The following AKT1 variants were observed in gnomAD, a reference collection of about 807,000 sequenced individuals.
The protein encoded by AKT1 is AKT serine/threonine kinase 1.
Under a neutral mutation model 63.1 loss-of-function variants are expected in AKT1, and 21 were observed. The observed-to-expected ratio is 0.33, with a 90% CI of 0.24 to 0.48. The LOEUF is 0.48. Among genes scored for constraint, AKT1 ranks in the 20% least tolerant of loss-of-function variants. AKT1 has a pLI of 0.99. For missense variants in AKT1, 382 were observed against 666.0 expected, an observed-to-expected ratio of 0.57 and a Z score of 4.69; for synonymous variants, 257 against 253.1, an observed-to-expected ratio of 1.02 and a Z score of -0.15.
intron 3 of AKT1, among the ~76,000 whole-genome samples, chr14:104,781,459 C>T (rs1282646198): frequency 2.0e-5 from 3 of 152,134 alleles, no homozygotes; most frequent in Admixed American, 6.5e-5. Flanking sequence ...AGCAGGGCAG[C>T]AGCCCCAGGG....
At position 104,774,955 on chromosome 14, in the gene AKT1, T is replaced by C. The variant is rs941063820; in HGVS notation, c.616A>G (p.Arg206Gly). The change falls in exon 8 of 15, where the codon AGG (arginine) becomes GGG (glycine). Residue 206 changes from arginine (R) to glycine (G), a missense_variant. Arg to Gly is a moderately radical substitution (Grantham distance 125). Around this residue, in one of 3 missense-constraint regions of AKT1, gnomAD observed 226 missense variants for 366.4 expected, o/e 0.62. Transcript: ENST00000649815. ...LTENRVLQNS[R>G]HPFLTALKYS... ...CCACTCACTGTGAGGAAGGGGTGCCTGGAGTTCTGCAGGACGCGGTTCTCG... is the reference window on the plus strand; with the variant it reads ...CCACTCACTGTGAGGAAGGGGTGCCCGGAGTTCTGCAGGACGCGGTTCTCG... 1 of 1,612,020 alleles carries C rather than the reference T, an allele frequency of 6.2e-7. No homozygotes were observed. Among genetic ancestry groups the C allele is most frequent in the Non-Finnish European group, 8.5e-7 (1 of 1,179,624 alleles).
At chr14:104,794,401 G>C (rs924624618) in intron 1 of AKT1, 2 of 152,278 alleles carry the variant, frequency 1.3e-5, no homozygotes, top group African/African-American at 4.8e-5. Flanking sequence ...TGCTCACACA[G>C]GGTGGTGTAC....
At chr14:104,772,324 G>A (rs779614585) in intron 13 of AKT1, 41 bp downstream of exon 13, 2 of 1,600,820 alleles carry the variant, frequency 1.2e-6, no homozygotes, top group East Asian at 4.5e-5. Flanking sequence ...TGGATATGTG[G>A]GGAGCATGCG....
chr14:104,774,614 C>T (rs748520455), intron 8 of AKT1: 9 of 409,934 alleles, frequency 2.2e-5, no homozygotes, highest in Non-Finnish European at 4.0e-5. Context: ...CAGGACAGAG[C>T]CCGGGCCTCA....
chr14:104,774,047 G>T, intron 8 of AKT1, 67 bp from the exon 9 acceptor site: 1 of 1,459,308 alleles, frequency 6.9e-7, no homozygotes. Flanking sequence ...CACGCTGCCC[G>T]ACACCACGCT....
rs74896722 is a variant in AKT1 at position 104,787,818 on chromosome 14, G to A, written c.46+4780C>T. ...AGAGCTGTCCACTCAGGAGCCACCA[G>A]GCGTGGGGGCTAAGGTCCAGGGCTG... On this transcript the variant is annotated intron_variant, in intron 3 of 14. Transcript: ENST00000649815. Among the ~76,000 whole-genome samples the A allele has an allele frequency of 3.6e-3, 541 of 152,362 alleles. 7 individuals carry two copies. The highest frequency in any genetic ancestry group is 0.032 in the South Asian group (157 of 4,832).
chr14:104,774,908 C>T (rs1359510898), intron 8 of AKT1, 30 bp downstream of exon 8: 3 of 1,599,164 alleles, frequency 1.9e-6, no homozygotes, highest in Admixed American at 1.7e-5. Flanking sequence ...CTGGCCCCAG[C>T]CCTTCAGCCC....
intron 3 of AKT1, among the ~76,000 whole-genome samples, chr14:104,784,766 G>A (rs1421917880): frequency 6.6e-6 from 1 of 151,978 alleles, no homozygotes; most frequent in Admixed American, 6.5e-5. Context: ...CCCCCAAAGC[G>A]GCACCCACTT....
Position 104,774,656 on chromosome 14 carries a change from T to C in AKT1, c.633+282A>G. 1.2e-5 allele frequency: 6 copies of C among 481,158 alleles called. No individual in the cohort carries two copies. In the South Asian group the frequency reaches 1.7e-4, roughly 14 times the overall value. The allele number at this position is 481,158 out of a possible 1,614,324, so 29.8% of individuals were successfully genotyped here. ...GCCTGGCAGGCAGGGCTGCAGGGCA[T>C]GGGGAGCTGGGGCCTCCTGGAGCCT... On this transcript the variant is annotated intron_variant, in intron 8 of 14. Transcript: ENST00000649815.
chr14:104,785,625 G>A (rs999672402), intron 3 of AKT1, among the ~76,000 whole-genome samples: 10 of 152,198 alleles, frequency 6.6e-5, no homozygotes, highest in Admixed American at 4.6e-4. Flanking sequence ...CTGGGAAAAC[G>A]GAGACTTAGG....
chr14:104,780,995 G>A (rs531850086), intron 3 of AKT1, among the ~76,000 whole-genome samples: 114 of 152,334 alleles, frequency 7.5e-4, no homozygotes, highest in African/African-American at 2.7e-3. Context: ...GCCCTGCCGC[G>A]TCCCACCCGT....
rs1241369809 is a variant in AKT1 at position 104,794,473 on chromosome 14, C to T, written c.-258+1011G>A. 2.0e-5 allele frequency: 3 copies of T among 152,228 alleles called. No homozygotes were observed. The East Asian group carries it at 5.8e-4, about 29-fold the overall frequency. 9.4% of individuals were successfully genotyped at this position (152,228 alleles called of 1,614,324 possible). A position where few individuals can be genotyped will look rare whatever the true frequency, so the allele number is the denominator to read the frequency against. On this transcript the variant is annotated intron_variant, in intron 1 of 14. Coordinates refer to ENST00000649815, the MANE Select transcript of AKT1 (RefSeq NM_001382430.1). ...GCTGCCTGTGGGGGCGGAGGGACCCCGACTTCCCACAGCCTCCGTACCTGC... is the reference window on the plus strand; with the variant it reads ...GCTGCCTGTGGGGGCGGAGGGACCCTGACTTCCCACAGCCTCCGTACCTGC...
At chr14:104,776,527 CTGAGGAGGGCCTGGGAGCACTGGGGAG>C (rs2140928257) in intron 5 of AKT1, 105 bp downstream of exon 5, 1 of 733,040 alleles carries the variant, frequency 1.4e-6, no homozygotes, top group East Asian at 2.9e-5. Context: ...AAACTGGGCT[CTGAGGAGGGCCTGGGAGCACTGGGGAG>C]TGAGGATGGC....
chr14:104,777,399 G>A, intron 4 of AKT1: 1 of 329,590 alleles, frequency 3.0e-6, no homozygotes, highest in Non-Finnish European at 4.4e-6. Flanking sequence ...CACACCTGAG[G>A]CACACACCTG....
rs769966995 is a variant in AKT1 at position 104,772,339 on chromosome 14, C to T, written c.1260+26G>A. 3.0e-5 allele frequency: 48 copies of T among 1,612,550 alleles called. No individual in the cohort carries two copies. The Admixed American group carries it at 4.0e-4, about 13-fold the overall frequency. On this transcript the variant is annotated intron_variant, in intron 13 of 14. Coordinates refer to ENST00000649815, the MANE Select transcript of AKT1 (RefSeq NM_001382430.1). The stretch of plus-strand genomic sequence containing the variant: ...TGGATATGTGGGGAGCATGCGTGCG[C>T]GTGAATATGCGGGGAGCAGCCGCAC...
rs1060504820 is a variant in AKT1 at position 104,770,767 on chromosome 14, G to A, written c.1341C>T (p.Ile447=). The change falls in exon 14 of 15, where the codon ATC becomes ATT. Residue 447 remains isoleucine, a synonymous_variant. Transcript: ENST00000649815. ...CACCTTGGTCAGGTGGTGTGATGGT[G>A]ATCATCTGGGCCGTGAACTCCTCAT... is the stretch of plus-strand genomic sequence containing the variant. The part of the protein sequence containing the change: ...YFDEEFTAQM[I]TITPPDQDDS... 1 of 1,614,126 alleles carries A rather than the reference G, an allele frequency of 6.2e-7. No homozygotes were observed. The highest frequency in any genetic ancestry group is 2.2e-5 in the East Asian group (1 of 44,894).
chr14:104,795,457 G>C lies in AKT1; in HGVS notation c.-258+27C>G, dbSNP rs1019141381. On this transcript the variant is annotated intron_variant, in intron 1 of 14. Coordinates refer to ENST00000649815, the MANE Select transcript of AKT1 (RefSeq NM_001382430.1). The surrounding 1 kb of genome is among the most constrained non-coding windows in gnomAD (Gnocchi z 5.1). ...GCCCGCGGGGAGGAAATCCAGGCCCGGGCGGCCACGGCGGGCGGGGACTCA... is the reference window on the plus strand; with the variant it reads ...GCCCGCGGGGAGGAAATCCAGGCCCCGGCGGCCACGGCGGGCGGGGACTCA... 49 of 146,642 alleles carry C rather than the reference G, an allele frequency of 3.3e-4. No individual in the cohort carries two copies. The highest frequency in any genetic ancestry group is 1.2e-3 in the African/African-American group (48 of 40,866). 9.1% of individuals were successfully genotyped at this position (146,642 alleles called of 1,614,324 possible). A position where few individuals can be genotyped will look rare whatever the true frequency, so the allele number is the denominator to read the frequency against.
chr14:104,786,587 G>A (rs1255436288), intron 3 of AKT1, among the ~76,000 whole-genome samples: 1 of 152,224 alleles, frequency 6.6e-6, no homozygotes, highest in East Asian at 1.9e-4. Flanking sequence ...GAACCAGGCA[G>A]TAGGGACCTC....
rs145970556 is a variant in AKT1, at chr14:104,784,588, T to TC, written c.47-4373dup. Among the ~76,000 whole-genome samples the TC allele has an allele frequency of 2.7e-3, 406 of 152,148 alleles. 1 individual carries two copies. The highest frequency in any genetic ancestry group is 9.0e-3 in the African/African-American group (374 of 41,516). The stretch of plus-strand genomic sequence containing the variant: ...GCACCCCCAGGGAAAGAGGGTTCCT[T>TC]CCCAGAAGTCCTCCTGGACCAAATA... On this transcript the variant is annotated intron_variant, in intron 3 of 14. Transcript: ENST00000649815.
Sources: allele counts gnomAD v4.1 joint callset (sites outside exome capture counted in the v4.1 genomes callset), GRCh38; gene constraint gnomAD v4.1.1; regional missense constraint gnomAD v4.1.1; non-coding constraint Gnocchi (gnomAD v3.1); transcripts MANE v1.5; gene names NCBI Gene and HGNC (gene_info 2026-07-23, HGNC 2026-07-21).